The following ANKRD36C variants were observed in gnomAD, a reference collection of about 807,000 sequenced individuals.
ANKRD36C encodes the protein ankyrin repeat domain 36C, also known as ankyrin repeat domain-containing protein 36C.
ANKRD36C carries 61 observed loss-of-function variants against 276.4 expected under a neutral mutation model. The observed-to-expected ratio is 0.22, with a 90% CI of 0.18 to 0.27. ANKRD36C has a LOEUF of 0.27. Among genes scored for constraint, ANKRD36C ranks in the 10% least tolerant of loss-of-function variants. The probability of loss-of-function intolerance (pLI) is 1.00; values close to 1 mark genes in which losing one functional copy is unlikely to be tolerated. For missense variants in ANKRD36C, 1,447 were observed against 2,032.3 expected (o/e 0.71, Z 5.54); for synonymous variants, 483 against 680.1 (o/e 0.71, Z 4.51).
At chr2:95,890,029 G>A (rs755097823) in intron 46 of ANKRD36C, 35 bp from the exon 67 acceptor site, 66 of 1,599,028 alleles carry the variant, frequency 4.1e-5, no homozygotes, top group Middle Eastern at 3.6e-4. Flanking sequence ...TCACTCATAC[G>A]TAAATATGAT....
chr2:95,886,658 C>T (rs2104337159), intron 50 of ANKRD36C, among the ~76,000 whole-genome samples: 1 of 151,820 alleles, frequency 6.6e-6, no homozygotes, highest in South Asian at 2.1e-4. Context: ...ATACTGCAAA[C>T]ATTCAACATG....
chr2:95,879,961 A>T (rs1393932456), intron 58 of ANKRD36C, among the ~76,000 whole-genome samples: 1 of 141,928 alleles, frequency 7.0e-6, no homozygotes, highest in Non-Finnish European at 1.5e-5. Context: ...CGGGAGGATC[A>T]CCTGAGGTCG....
chr2:95,919,997 A>C (rs1677222035), intron 34 of ANKRD36C, 77 bp from the exon 35 acceptor site: 1 of 1,438,188 alleles, frequency 7.0e-7, no homozygotes, highest in African/African-American at 1.5e-5. Context: ...CAGTGTTAGC[A>C]TCAAGCTGTA....
exon 64 of ANKRD36C, chr2:95,853,859 T>C: frequency 6.2e-7 from 1 of 1,607,226 alleles, no homozygotes; most frequent in South Asian, 1.1e-5. Flanking sequence ...GTCTCACAGC[T>C]ACCTGATAAG....
intron 15 of ANKRD36C, among the ~76,000 whole-genome samples, chr2:95,951,147 C>CAT (rs1678183348): frequency 6.6e-6 from 1 of 152,260 alleles, no homozygotes; most frequent in African/African-American, 2.4e-5. Flanking sequence ...GTGGTGCACG[C>CAT]CTGTAATCCC....
At chr2:95,962,857 CAG>C (rs1188465679) in intron 6 of ANKRD36C, among the ~76,000 whole-genome samples, 2 of 151,992 alleles carry the variant, frequency 1.3e-5, no homozygotes, top group Non-Finnish European at 2.9e-5. Flanking sequence ...GGTCTAAAAA[CAG>C]AGGAGCAACT....
At chr2:95,966,128 A>T (rs1456654175) in intron 6 of ANKRD36C, among the ~76,000 whole-genome samples, 1 of 152,106 alleles carries the variant, frequency 6.6e-6, no homozygotes, top group African/African-American at 2.4e-5. Flanking sequence ...GAGGTACCCC[A>T]CACACACTCC....
chr2:95,912,350 G>T (rs781587893), intron 41 of ANKRD36C, 34 bp from the exon 44 acceptor site: 2 of 1,600,676 alleles, frequency 1.2e-6, no homozygotes, highest in Non-Finnish European at 1.7e-6. Context: ...AATAAATAAG[G>T]TATGTTTCAT....
chr2:95,955,570 T>C (rs200926125), intron 13 of ANKRD36C, among the ~76,000 whole-genome samples: 8 of 151,564 alleles, frequency 5.3e-5, no homozygotes, highest in African/African-American at 1.2e-4. Context: ...CCATTCTTAT[T>C]CACTTTCATT....
In ANKRD36C at chr2:95,922,095, G is replaced by A. The variant is rs575313295; in HGVS notation, c.2144-285C>T. On this transcript the variant is annotated intron_variant, in intron 32 of 66. Coordinates refer to ENST00000456556, the Ensembl canonical transcript of ANKRD36C. Reference sequence around the variant, plus strand: ...CAAAAAGGGTATGCCAAGTGATCACGACAAATGTGATCAAAAATCAGAGGG... The same window carrying A: ...CAAAAAGGGTATGCCAAGTGATCACAACAAATGTGATCAAAAATCAGAGGG... Among the ~76,000 whole-genome samples the A allele has an allele frequency of 5.1e-4, 77 of 151,646 alleles. 1 individual carries two copies. The South Asian group carries it at 6.7e-3, about 13-fold the overall frequency.
intron 6 of ANKRD36C, 68 bp downstream of exon 6, chr2:95,978,054 C>T (rs1364219826): frequency 9.4e-6 from 5 of 533,674 alleles, no homozygotes; most frequent in Non-Finnish European, 1.6e-5. Context: ...TTTTTGTAAT[C>T]AAAACATCTT....
intron 22 of ANKRD36C, among the ~76,000 whole-genome samples, chr2:95,937,466 G>A: frequency 6.6e-6 from 1 of 152,418 alleles, no homozygotes; most frequent in East Asian, 1.9e-4. Context: ...CCAAAAATTC[G>A]TGTATTTAAA....
intron 14 of ANKRD36C, 111 bp from the exon 15 acceptor site, chr2:95,951,519 T>A: frequency 1.2e-6 from 1 of 817,446 alleles, no homozygotes. Context: ...TTGAAATCAC[T>A]CATATGTAGA....
intron 59 of ANKRD36C, among the ~76,000 whole-genome samples, chr2:95,871,520 TAA>T (rs1257110991): frequency 6.6e-6 from 1 of 152,002 alleles, no homozygotes; most frequent in Admixed American, 6.6e-5. Flanking sequence ...AAGGAAGCAC[TAA>T]ACGTGGAAAG....
intron 59 of ANKRD36C, among the ~76,000 whole-genome samples, chr2:95,870,823 G>T (rs1460714926): frequency 6.6e-6 from 1 of 152,198 alleles, no homozygotes; most frequent in Non-Finnish European, 1.5e-5. Flanking sequence ...GTGCTTAAAG[G>T]AGCTGATGAA....
intron 1 of ANKRD36C, among the ~76,000 whole-genome samples, chr2:95,987,776 C>G (rs1573822079): frequency 6.6e-6 from 1 of 151,898 alleles, no homozygotes; most frequent in Non-Finnish European, 1.5e-5. Context: ...CGCCCGCTAC[C>G]GCGCCCGGCT....
At chr2:95,855,957 T>A (rs1258728826) in exon 63 of ANKRD36C, 1 of 1,613,434 alleles carries the variant, frequency 6.2e-7, no homozygotes, top group Non-Finnish European at 8.5e-7. Context: ...AGCAGCAAGC[T>A]GTCCACTATA....
chr2:95,850,297 G>C (rs1440961744), downstream of ANKRD36C, among the ~76,000 whole-genome samples: 1 of 152,268 alleles, frequency 6.6e-6, no homozygotes, highest in Non-Finnish European at 1.5e-5. Context: ...CTCAACAACT[G>C]TATGCTATAA....
chr2:95,914,316 AG>A lies in ANKRD36C; in HGVS notation c.2450-14del. The A allele has an allele frequency of 6.5e-7, 1 of 1,547,282 alleles. No individual in the cohort carries two copies. The highest frequency in any genetic ancestry group is 8.7e-7 in the Non-Finnish European group (1 of 1,144,776). ...TTCTCAGAAGTCACTGAAAAGTAAA[AG>A]GGATTCATAATCACTCATATGTAAA... On this transcript the variant is annotated splice_polypyrimidine_tract_variant and intron_variant, in intron 38 of 66. Transcript: ENST00000456556.
Sources: allele counts gnomAD v4.1 joint callset (sites outside exome capture counted in the v4.1 genomes callset), GRCh38; gene constraint gnomAD v4.1.1; transcripts MANE v1.5; gene names NCBI Gene and HGNC (gene_info 2026-07-23, HGNC 2026-07-21).